MAGI2: variants seen among roughly 807,000 people sequenced by gnomAD.
MAGI2 encodes the protein membrane-associated guanylate kinase, WW and PDZ domain-containing protein 2.
A neutral mutation model predicts 133.3 loss-of-function variants in MAGI2; 35 were observed. That is an observed-to-expected ratio of 0.26 (90% CI 0.20 to 0.35). The LOEUF (loss-of-function observed/expected upper bound fraction) is 0.35. Among genes scored for constraint, MAGI2 ranks in the 10% least tolerant of loss-of-function variants. The probability of loss-of-function intolerance (pLI) is 1.00; values close to 1 mark genes in which losing one functional copy is unlikely to be tolerated. For synonymous variants in MAGI2, 729 were observed against 710.6 expected, an observed-to-expected ratio of 1.03 and a Z score of -0.41; for missense variants, 1,636 against 1,863.4, an observed-to-expected ratio of 0.88 and a Z score of 2.25.
intron 6 of MAGI2, among the ~76,000 whole-genome samples, chr7:78,375,924 T>C (rs1794408388): frequency 1.3e-5 from 2 of 152,192 alleles, no homozygotes; most frequent in South Asian, 4.1e-4. Context: ...AGAAAGATCA[T>C]TGTGCAAGGA....
At chr7:78,508,888 CTTTT>C (rs11329362) in intron 4 of MAGI2, among the ~76,000 whole-genome samples, 5 of 141,344 alleles carry the variant, frequency 3.5e-5, no homozygotes, top group Non-Finnish European at 3.1e-5. Context: ...GAAAAATAGT[CTTTT>C]TTTTTTTTTT....
chr7:78,935,522 G>T (rs1422528856), intron 2 of MAGI2, among the ~76,000 whole-genome samples: 4 of 152,066 alleles, frequency 2.6e-5, no homozygotes, highest in Non-Finnish European at 5.9e-5. Context: ...GGAATTTATT[G>T]TTCCTTATGT....
intron 2 of MAGI2, among the ~76,000 whole-genome samples, chr7:78,767,039 G>C (rs1178706414): frequency 2.0e-5 from 3 of 151,266 alleles, no homozygotes; most frequent in Non-Finnish European, 4.4e-5. Flanking sequence ...GCCCAGGCTG[G>C]AGTGCAATGG....
rs11972636 is a variant in MAGI2 at position 79,184,565 on chromosome 7, A to G, written c.302-177359T>C. 1.5e-3 allele frequency among the ~76,000 whole-genome samples: 232 copies of G among 151,910 alleles called. 3 individuals are homozygous for G. The highest frequency in any genetic ancestry group is 5.4e-3 in the African/African-American group (222 of 41,440). ...AGCAGTAGAATATTATTAAAGAGTA[A>G]TAGGAGAAAAAAAGGCATAAATGTA... On this transcript the variant is annotated intron_variant, in intron 1 of 21. Transcript: ENST00000354212.
chr7:79,412,138 AT>A (rs1846189262), intron 1 of MAGI2: 1 of 152,002 alleles, frequency 6.6e-6, no homozygotes, highest in Admixed American at 6.6e-5. Flanking sequence ...AAGCTCACTC[AT>A]TTCATAAATT....
chr7:78,332,586 T>C (rs1789331020), intron 9 of MAGI2, among the ~76,000 whole-genome samples: 1 of 151,440 alleles, frequency 6.6e-6, no homozygotes, highest in Admixed American at 6.6e-5. Flanking sequence ...TAGTCCCAGC[T>C]ACTCAGGAGG....
chr7:78,580,122 A>G (rs1802683301), intron 3 of MAGI2, among the ~76,000 whole-genome samples: 1 of 152,210 alleles, frequency 6.6e-6, no homozygotes. Flanking sequence ...ATATGTGAAT[A>G]TGTATGTGTG....
chr7:78,574,655 A>G (rs1054039923), intron 3 of MAGI2, among the ~76,000 whole-genome samples: 6 of 152,192 alleles, frequency 3.9e-5, no homozygotes, highest in Non-Finnish European at 7.4e-5. Flanking sequence ...ATTGGCAACC[A>G]CTATAGTTTT....
At chr7:79,096,542 T>G (rs554917346) in intron 1 of MAGI2, among the ~76,000 whole-genome samples, 1 of 152,326 alleles carries the variant, frequency 6.6e-6, no homozygotes, top group Admixed American at 6.5e-5. Flanking sequence ...GGGTGCATCA[T>G]CTGCTTCCTC....
chr7:79,300,959 G>A (rs894323211), intron 1 of MAGI2, among the ~76,000 whole-genome samples: 1 of 152,260 alleles, frequency 6.6e-6, no homozygotes, highest in Non-Finnish European at 1.5e-5. Flanking sequence ...CAAGCCATAA[G>A]CCTTGGTGGC....
chr7:79,228,192 A>G (rs1831021154), intron 1 of MAGI2, among the ~76,000 whole-genome samples: 1 of 151,410 alleles, frequency 6.6e-6, no homozygotes, highest in South Asian at 2.1e-4. Context: ...AAAAAATTAA[A>G]AATTAGTCAG....
At chr7:79,363,978 G>T (rs535218834) in intron 1 of MAGI2, among the ~76,000 whole-genome samples, 1 of 151,910 alleles carries the variant, frequency 6.6e-6, no homozygotes, top group African/African-American at 2.4e-5. Context: ...TTGCAAACAG[G>T]TATATAAAAA....
chr7:78,368,535 A>G (rs1443785339), intron 7 of MAGI2, among the ~76,000 whole-genome samples: 1 of 152,154 alleles, frequency 6.6e-6, no homozygotes, highest in Non-Finnish European at 1.5e-5. Context: ...ACTTTTGAAA[A>G]TTATGAATAT....
rs140268668 is a variant in MAGI2 at position 78,067,560 on chromosome 7, A to T, written c.3706+11387T>A. Among the ~76,000 whole-genome samples, 368 of 152,342 alleles carry T rather than the reference A, an allele frequency of 2.4e-3. 1 individual carries two copies. The highest frequency in any genetic ancestry group is 8.2e-3 in the African/African-American group (343 of 41,576). ...AACTGTAAAGGCAGGTTATTTTGAAAGCAAATGTCTGAGCCACTTTATAGT... is the reference window on the plus strand; with the variant it reads ...AACTGTAAAGGCAGGTTATTTTGAATGCAAATGTCTGAGCCACTTTATAGT... On this transcript the variant is annotated intron_variant, in intron 21 of 21. Coordinates refer to ENST00000354212, the MANE Select transcript of MAGI2 (RefSeq NM_012301.4).
At chr7:78,467,951 A>G (rs1400880421) in intron 6 of MAGI2, among the ~76,000 whole-genome samples, 3 of 152,198 alleles carry the variant, frequency 2.0e-5, no homozygotes, top group Admixed American at 1.3e-4. Context: ...TGAGAAACCA[A>G]TAAATCTGGA....
At chr7:78,550,063 G>T (rs2150700145) in intron 3 of MAGI2, among the ~76,000 whole-genome samples, 1 of 152,270 alleles carries the variant, frequency 6.6e-6, no homozygotes, top group Non-Finnish European at 1.5e-5. Context: ...TCCATCATGT[G>T]TGGACACATA....
At chr7:78,579,708 T>TA (rs1390329256) in intron 3 of MAGI2, among the ~76,000 whole-genome samples, 1 of 152,224 alleles carries the variant, frequency 6.6e-6, no homozygotes, top group East Asian at 1.9e-4. Flanking sequence ...AGATGCTATA[T>TA]AAGCCACTTC....
chr7:78,485,422 G>A (rs965772050), intron 6 of MAGI2: 2 of 151,924 alleles, frequency 1.3e-5, no homozygotes, highest in Admixed American at 6.6e-5. Context: ...ATGTTTTTAT[G>A]TTTAGTAGCA....
rs1554555812 is a variant in MAGI2, at chr7:78,754,370, C to CAAATAAATAAAT, written c.419-127143_419-127132dup. ...TGGGCAGCAGAGCCAGACCCTGTCT[C>CAAATAAATAAAT]AAATAAATAAATAAATAAATAAATA... On this transcript the variant is annotated intron_variant, in intron 2 of 21. Transcript: ENST00000354212. Among the ~76,000 whole-genome samples, 520 of 147,256 alleles carry CAAATAAATAAAT rather than the reference C, an allele frequency of 3.5e-3. 3 individuals are homozygous for CAAATAAATAAAT. The highest frequency in any genetic ancestry group is 8.1e-3 in the African/African-American group (319 of 39,372).
Sources: allele counts gnomAD v4.1 joint callset (sites outside exome capture counted in the v4.1 genomes callset), GRCh38; gene constraint gnomAD v4.1.1; transcripts MANE v1.5; gene names NCBI Gene and HGNC (gene_info 2026-07-23, HGNC 2026-07-21).